Variants in WDR59 observed in about 807,000 individuals in gnomAD.
WDR59 encodes the protein GATOR2 complex protein WDR59.
In WDR59, 100 loss-of-function variants were observed where a neutral mutation model predicts 131.2. The ratio of observed to expected loss-of-function variants is 0.76; its 90% CI spans 0.65 to 0.90. The LOEUF (loss-of-function observed/expected upper bound fraction) is 0.90. Ranked by LOEUF, WDR59 falls within the 40% of genes least tolerant of loss-of-function variation. The pLI is 0.00. For synonymous variants in WDR59, 601 were observed against 466.2 expected (o/e 1.29, Z -3.72); for missense variants, 1,203 against 1,262.2 (o/e 0.95, Z 0.71).
At chr16:74,885,537 G>T in intron 25 of WDR59, 116 bp downstream of exon 25, 1 of 1,239,048 alleles carries the variant, frequency 8.1e-7, no homozygotes, top group Non-Finnish European at 1.1e-6. Context: ...AAATGCCTCA[G>T]AAATTTCTGC....
intron 8 of WDR59, among the ~76,000 whole-genome samples, chr16:74,930,971 T>G (rs2031337985): frequency 1.4e-5 from 2 of 147,448 alleles, no homozygotes; most frequent in South Asian, 2.2e-4. Flanking sequence ...AGACTCCATC[T>G]CCAAAAAAAA....
intron 1 of WDR59, among the ~76,000 whole-genome samples, chr16:74,976,446 T>C (rs916256106): frequency 1.3e-5 from 2 of 151,492 alleles, no homozygotes; most frequent in Admixed American, 6.6e-5. Flanking sequence ...TTTTCTTTTT[T>C]TTTTTTTTTC....
chr16:74,904,111 A>C lies in WDR59; in HGVS notation c.1713-11T>G. 1.2e-6 allele frequency: 2 copies of C among 1,610,380 alleles called. No individual in the cohort carries two copies. The highest frequency in any genetic ancestry group is 1.7e-6 in the Non-Finnish European group (2 of 1,178,346). On this transcript the variant is annotated splice_polypyrimidine_tract_variant and intron_variant, in intron 17 of 25. Coordinates refer to ENST00000262144, the MANE Select transcript of WDR59 (RefSeq NM_030581.4). Reference sequence around the variant, plus strand: ...AAGGCTGAGAGAGATCTGTAGTTGAAAATGATAATTATCCACACTGGCTGC... The same window carrying C: ...AAGGCTGAGAGAGATCTGTAGTTGACAATGATAATTATCCACACTGGCTGC...
At chr16:74,974,586 G>A (rs575597903) in intron 1 of WDR59, among the ~76,000 whole-genome samples, 2 of 152,096 alleles carry the variant, frequency 1.3e-5, no homozygotes, top group African/African-American at 2.4e-5. Context: ...TATCTAGAAC[G>A]TGGATTTTAG....
rs539901466 is a variant in WDR59, at chr16:74,873,978, G to A, written c.*231C>T. ...AGCCGACATAGACAACACACAAAGC[G>A]CAGCTCTGCACTTCTGTCCTTATCT... On this transcript the variant is annotated 3_prime_UTR_variant, in exon 26 of 26. Transcript: ENST00000262144. 2.6e-3 allele frequency: 1,367 copies of A among 534,868 alleles called. 9 individuals are homozygous for A. The highest frequency in any genetic ancestry group is 4.2e-3 in the Non-Finnish European group (1,255 of 297,902). The allele number at this position is 534,868 out of a possible 1,614,324, so 33.1% of individuals were successfully genotyped here. A position where few individuals can be genotyped will look rare whatever the true frequency, so the allele number is the denominator to read the frequency against.
At chr16:74,947,457 C>G (rs761759484) in intron 6 of WDR59, among the ~76,000 whole-genome samples, 3 of 152,134 alleles carry the variant, frequency 2.0e-5, no homozygotes, top group Non-Finnish European at 4.4e-5. Flanking sequence ...TGAACTATTG[C>G]TTTAATAAAC....
chr16:74,957,081 CTTTTTTTTT>C (rs34834142), intron 2 of WDR59, among the ~76,000 whole-genome samples: 3 of 123,946 alleles, frequency 2.4e-5, no homozygotes, highest in Non-Finnish European at 5.0e-5. Flanking sequence ...CTTTTTTTTT[CTTTTTTTTT>C]TTTTTTTTGA....
intron 6 of WDR59, among the ~76,000 whole-genome samples, chr16:74,947,721 G>A (rs1179017720): frequency 6.6e-6 from 1 of 152,106 alleles, no homozygotes; most frequent in East Asian, 1.9e-4. Flanking sequence ...TTCTTCTTTT[G>A]CAAAACATAC....
Position 74,912,323 on chromosome 16 carries a change from A to C in WDR59, c.1264T>G (p.Cys422Gly). 6.2e-7 allele frequency: 1 copy of C among 1,614,142 alleles called. No homozygotes were observed. Among genetic ancestry groups the C allele is most frequent in the East Asian group, 2.2e-5 (1 of 44,884 alleles). Residue 422 changes from cysteine (C) to glycine (G), a missense_variant, in exon 14 of 26, where the codon TGC (cysteine) becomes GGC (glycine). By Grantham distance (159) the Cys-to-Gly change is radical. Transcript: ENST00000262144. ...ADRSCTVSVH[C>G]SNHRVKMLVK... The stretch of plus-strand genomic sequence containing the variant: ...AGCATCTTGACACGATGGTTGCTGC[A>C]GTGCACAGACACTGTGCAGCTCCTG...
chr16:74,964,379 C>CAAA (rs10626995), intron 2 of WDR59, among the ~76,000 whole-genome samples: 19,547 of 141,788 alleles, frequency 0.14, 1,921 homozygotes, highest in African/African-American at 0.26. Context: ...AACATCATCT[C>CAAA]AAAAAAAAAA....
chr16:74,917,903 T>A, intron 11 of WDR59, 26 bp downstream of exon 11: 1 of 1,605,004 alleles, frequency 6.2e-7, no homozygotes. Flanking sequence ...CAGGTACATT[T>A]CTCCACAATA....
intron 11 of WDR59, among the ~76,000 whole-genome samples, 154 bp from the exon 12 acceptor site, chr16:74,916,413 C>T (rs1966390063): frequency 6.6e-6 from 1 of 152,126 alleles, no homozygotes; most frequent in Non-Finnish European, 1.5e-5. Context: ...TACCCATTGC[C>T]AACTCTCCCT....
intron 1 of WDR59, among the ~76,000 whole-genome samples, chr16:74,972,821 TAAAAAAAAAA>T (rs57885889): frequency 1.8e-3 from 100 of 55,066 alleles, no homozygotes; most frequent in South Asian, 4.5e-3. Context: ...GACTCTGTCT[TAAAAAAAAAA>T]AAAAAAAAAA....
At chr16:74,970,688 T>C (rs1435252057) in intron 1 of WDR59, among the ~76,000 whole-genome samples, 2 of 152,032 alleles carry the variant, frequency 1.3e-5, no homozygotes, top group African/African-American at 2.4e-5. Context: ...GCATGGTCTA[T>C]TTCATTTCTC....
chr16:74,976,940 G>A (rs545217995), intron 1 of WDR59, among the ~76,000 whole-genome samples: 24 of 152,264 alleles, frequency 1.6e-4, no homozygotes, highest in African/African-American at 5.8e-4. Context: ...CCAGGAGGCA[G>A]AGGTTGCACT....
chr16:74,900,711 T>G lies in WDR59; in HGVS notation c.1866+3236A>C, dbSNP rs187368810. Among the ~76,000 whole-genome samples the G allele has an allele frequency of 3.3e-5, 5 of 152,352 alleles. 1 individual carries two copies. The highest frequency in any genetic ancestry group is 3.3e-4 in the Admixed American group (5 of 15,306). ...CTTGGCATTCCATCTAGAGAATATT[T>G]GGGTGAACATAACAATATAACCTAA... On this transcript the variant is annotated intron_variant, in intron 18 of 25. Coordinates refer to ENST00000262144, the MANE Select transcript of WDR59 (RefSeq NM_030581.4).
In WDR59 at chr16:74,965,815, G is replaced by T; in HGVS notation, c.62C>A (p.Ala21Glu). ...VVEFRDSQAT[A>E]MSVDCLGQHA... is the part of the protein sequence containing the mutation. ...CTGCCCAAGACAGTCCACAGACATC[G>T]CAGTTGCCTGAGAGAGAGAACACAG... Residue 21 changes from alanine to glutamate, a missense_variant, in exon 2 of 26, where the codon GCG becomes GAG. Transcript: ENST00000262144. The T allele has an allele frequency of 1.9e-6, 3 of 1,614,038 alleles. No individual in the cohort carries two copies. The highest frequency in any genetic ancestry group is 1.1e-5 in the South Asian group (1 of 91,070).
In WDR59 at chr16:74,884,493, T is replaced by A. The variant is rs913882496; in HGVS notation, c.2689+1160A>T. ...CCTCCTGAGTAGCTGGGATTATAGG[T>A]GTGCACTAGCACGCCTGGCTAATTT... is the stretch of plus-strand genomic sequence containing the variant. On this transcript the variant is annotated intron_variant, in intron 25 of 25. Transcript: ENST00000262144. 6.6e-5 allele frequency among the ~76,000 whole-genome samples: 10 copies of A among 152,286 alleles called. No homozygotes were observed. In the South Asian group the frequency reaches 2.1e-3, roughly 32 times the overall value.
chr16:74,933,204 G>C (rs900649708), intron 8 of WDR59, among the ~76,000 whole-genome samples: 1 of 152,184 alleles, frequency 6.6e-6, no homozygotes, highest in Non-Finnish European at 1.5e-5. Flanking sequence ...CAGAGGCTGA[G>C]GTGGGAGGAT....
Sources: allele counts gnomAD v4.1 joint callset (sites outside exome capture counted in the v4.1 genomes callset), GRCh38; gene constraint gnomAD v4.1.1; transcripts MANE v1.5; gene names NCBI Gene and HGNC (gene_info 2026-07-23, HGNC 2026-07-21).